STK3: variants seen among roughly 807,000 people sequenced by gnomAD.
STK3 encodes serine/threonine kinase 3.
A neutral mutation model predicts 58.0 loss-of-function variants in STK3; 41 were observed. The ratio of observed to expected loss-of-function variants is 0.71; its 90% CI spans 0.55 to 0.92. The LOEUF is 0.92. Ranked by LOEUF, STK3 falls within the 40% of genes least tolerant of loss-of-function variation. STK3 has a pLI of 0.00. For missense variants in STK3, 479 were observed against 602.7 expected (o/e 0.79, Z 2.15); for synonymous variants, 170 against 191.0 (o/e 0.89, Z 0.91).
At chr8:98,934,758 A>C (rs1464537198) in intron 1 of STK3, among the ~76,000 whole-genome samples, 1 of 152,122 alleles carries the variant, frequency 6.6e-6, no homozygotes, top group East Asian at 1.9e-4. Flanking sequence ...TCTACTAAAA[A>C]TACAAAAATC....
intron 1 of STK3, among the ~76,000 whole-genome samples, chr8:98,784,046 C>A (rs748079020): frequency 3.9e-5 from 6 of 152,208 alleles, no homozygotes; most frequent in Admixed American, 1.3e-4. Context: ...CACTGGAGAT[C>A]TGAGCAACCC....
At chr8:98,886,259 T>C (rs775590339) in intron 1 of STK3, among the ~76,000 whole-genome samples, 3 of 152,192 alleles carry the variant, frequency 2.0e-5, no homozygotes, top group Non-Finnish European at 2.9e-5. Context: ...CAATGTCAAC[T>C]TCCTAATTCT....
At chr8:98,644,715 C>T (rs190827656) in intron 6 of STK3, among the ~76,000 whole-genome samples, 35 of 152,200 alleles carry the variant, frequency 2.3e-4, no homozygotes, top group Non-Finnish European at 4.4e-4. Context: ...GACTCCTCCC[C>T]AATTATATAA....
chr8:98,841,337 C>A (rs1277213884), intron 3 of STK3, among the ~76,000 whole-genome samples: 1 of 152,028 alleles, frequency 6.6e-6, no homozygotes, highest in African/African-American at 2.4e-5. Flanking sequence ...GTATATAAAT[C>A]AAAACTTATC....
At chr8:98,482,897 C>T (rs1324947355) in intron 10 of STK3, among the ~76,000 whole-genome samples, 4 of 152,034 alleles carry the variant, frequency 2.6e-5, no homozygotes, top group Non-Finnish European at 5.9e-5. Context: ...ATATACTCAC[C>T]TAGTAACAAA....
At chr8:98,451,667 T>C (rs985188131), downstream of STK3, among the ~76,000 whole-genome samples, 3 of 152,110 alleles carry the variant, frequency 2.0e-5, no homozygotes, top group African/African-American at 7.2e-5. Flanking sequence ...GGAGTCTTTC[T>C]GGGACCCCAA....
intron 9 of STK3, among the ~76,000 whole-genome samples, chr8:98,538,086 G>A: frequency 1.3e-5 from 2 of 152,220 alleles, no homozygotes; most frequent in Middle Eastern, 6.8e-3. Flanking sequence ...AGATATTCAA[G>A]TTTAGAGAAT....
chr8:98,743,479 T>C (rs1223490473), intron 4 of STK3, among the ~76,000 whole-genome samples: 1 of 152,144 alleles, frequency 6.6e-6, no homozygotes, highest in Non-Finnish European at 1.5e-5. Flanking sequence ...AAACAAGCAA[T>C]GGGGAAAGGA....
chr8:98,822,039 T>TAC (rs1163003259), intron 1 of STK3, among the ~76,000 whole-genome samples: 2 of 151,888 alleles, frequency 1.3e-5, no homozygotes, highest in East Asian at 1.9e-4. Flanking sequence ...CATATATATA[T>TAC]ACACACACAT....
At chr8:98,598,532 C>A in intron 6 of STK3, 1 of 985,318 alleles carries the variant, frequency 1.0e-6, no homozygotes, top group Non-Finnish European at 1.2e-6. Flanking sequence ...TTCTTGACAG[C>A]CTTACTGTAC....
chr8:98,553,079 GT>G (rs1357120215), intron 8 of STK3, among the ~76,000 whole-genome samples: 1 of 152,164 alleles, frequency 6.6e-6, no homozygotes, highest in East Asian at 1.9e-4. Flanking sequence ...CCTTTAGAAA[GT>G]GAAGAAGGTC....
intron 1 of STK3, chr8:98,782,598 C>T: frequency 3.6e-6 from 1 of 275,234 alleles, no homozygotes; most frequent in South Asian, 4.9e-5. Context: ...AGCATCAAGA[C>T]TTTGTCCAAG....
chr8:98,894,929 T>C (rs989758869), intron 1 of STK3, among the ~76,000 whole-genome samples: 8 of 152,152 alleles, frequency 5.3e-5, no homozygotes, highest in Non-Finnish European at 5.9e-5. Context: ...AATGAACGAA[T>C]GGATAGGAAC....
intron 4 of STK3, among the ~76,000 whole-genome samples, chr8:98,720,750 C>CA (rs35529460): frequency 0.1 from 9,525 of 94,270 alleles, 541 homozygotes; most frequent in Middle Eastern, 0.21. Context: ...GACTCCGTCT[C>CA]AAAAAAAAAA....
At chr8:98,841,266 T>G (rs1054546046) in intron 3 of STK3, among the ~76,000 whole-genome samples, 7 of 152,224 alleles carry the variant, frequency 4.6e-5, no homozygotes, top group African/African-American at 1.7e-4. Flanking sequence ...TACCAAGAGA[T>G]AACTTTTGGG....
chr8:98,391,218 G>T (rs959055859), upstream of STK3, among the ~76,000 whole-genome samples: 2 of 152,158 alleles, frequency 1.3e-5, no homozygotes, highest in African/African-American at 4.8e-5. Flanking sequence ...TTAAGCTCAG[G>T]CCTCACTTTC....
chr8:98,735,593 T>C (rs890780666), intron 4 of STK3, among the ~76,000 whole-genome samples: 2 of 152,122 alleles, frequency 1.3e-5, no homozygotes, highest in Non-Finnish European at 2.9e-5. Flanking sequence ...TTTTTACTCA[T>C]AATGTAACCA....
At chr8:98,365,465 T>C in the STK3 span, among the ~76,000 whole-genome samples, 6 of 152,174 alleles carry the variant, frequency 3.9e-5, no homozygotes, top group African/African-American at 1.4e-4. Flanking sequence ...TGAGACAGAG[T>C]GACCCCAGGT....
At chr8:98,904,804 T>C (rs2131963563) in intron 1 of STK3, 1 of 661,448 alleles carries the variant, frequency 1.5e-6, no homozygotes, top group South Asian at 1.4e-5. Context: ...GCAGCCATAG[T>C]AGCTGAAGTG....
Sources: allele counts gnomAD v4.1 joint callset (sites outside exome capture counted in the v4.1 genomes callset), GRCh38; gene constraint gnomAD v4.1.1; transcripts MANE v1.5; gene names NCBI Gene and HGNC (gene_info 2026-07-23, HGNC 2026-07-21).